Variants in ZNF407 observed in about 807,000 individuals in gnomAD.
ZNF407 encodes the protein zinc finger protein 407.
In ZNF407, 17 loss-of-function variants were observed where a neutral mutation model predicts 131.2. The observed-to-expected ratio is 0.13, with a 90% CI of 0.09 to 0.19. The LOEUF (loss-of-function observed/expected upper bound fraction) is 0.19, where lower values mean the gene tolerates loss of function less well. Ranked by LOEUF, ZNF407 falls within the 10% of genes least tolerant of loss-of-function variation. The pLI is 1.00. For synonymous variants in ZNF407, 1,156 were observed against 1,062.0 expected, an observed-to-expected ratio of 1.09 and a Z score of -1.72; for missense variants, 2,681 against 2,830.6, an observed-to-expected ratio of 0.95 and a Z score of 1.20.
intron 4 of ZNF407, among the ~76,000 whole-genome samples, chr18:74,832,981 A>G (rs774840359): frequency 2.0e-5 from 3 of 152,204 alleles, no homozygotes; most frequent in Non-Finnish European, 2.9e-5. Flanking sequence ...GAAGAAGAGG[A>G]TTACTGCTTC....
At chr18:74,778,548 AC>A (rs1969523351) in intron 3 of ZNF407, among the ~76,000 whole-genome samples, 2 of 151,442 alleles carry the variant, frequency 1.3e-5, no homozygotes, top group African/African-American at 4.9e-5. Context: ...GAGGGCAGGG[AC>A]TTTTATTTGT....
At chr18:74,603,235 A>G (rs1283275209) in intron 1 of ZNF407, among the ~76,000 whole-genome samples, 2 of 152,166 alleles carry the variant, frequency 1.3e-5, no homozygotes, top group Non-Finnish European at 2.9e-5. Flanking sequence ...GATGATAAGG[A>G]ATCTTGCTTT....
At chr18:74,775,672 G>T (rs532678064) in intron 3 of ZNF407, among the ~76,000 whole-genome samples, 101 of 152,228 alleles carry the variant, frequency 6.6e-4, no homozygotes, top group Non-Finnish European at 1.2e-3. Flanking sequence ...GGCTGTTCTC[G>T]CATGGCTATA....
At chr18:74,659,024 T>C (rs147503490) in intron 3 of ZNF407, among the ~76,000 whole-genome samples, 2 of 152,242 alleles carry the variant, frequency 1.3e-5, no homozygotes, top group African/African-American at 4.8e-5. Context: ...GACATGTGAG[T>C]GGACATTGGT....
intron 3 of ZNF407, among the ~76,000 whole-genome samples, chr18:74,763,668 C>G (rs893143253): frequency 1.4e-5 from 2 of 143,400 alleles, no homozygotes; most frequent in South Asian, 4.6e-4. Flanking sequence ...TTTTTCCTTG[C>G]TTTGTATCTG....
At chr18:74,927,777 AT>A (rs1174440726) in intron 8 of ZNF407, among the ~76,000 whole-genome samples, 1 of 152,170 alleles carries the variant, frequency 6.6e-6, no homozygotes, top group African/African-American at 2.4e-5. Context: ...TTTTGCATGT[AT>A]TTCAAGTTGC....
At chr18:74,872,676 G>T (rs1375768963) in intron 4 of ZNF407, among the ~76,000 whole-genome samples, 1 of 149,988 alleles carries the variant, frequency 6.7e-6, no homozygotes, top group African/African-American at 2.5e-5. Context: ...GGAATCGCTT[G>T]AACTGGGAGG....
chr18:74,728,978 T>C (rs1002352121), intron 3 of ZNF407, among the ~76,000 whole-genome samples: 4 of 152,330 alleles, frequency 2.6e-5, no homozygotes, highest in Non-Finnish European at 5.9e-5. Flanking sequence ...CAGCAGCTGC[T>C]GTGACTTTTT....
chr18:74,684,400 T>C (rs751992784), intron 3 of ZNF407, among the ~76,000 whole-genome samples: 1 of 152,192 alleles, frequency 6.6e-6, no homozygotes, highest in Non-Finnish European at 1.5e-5. Flanking sequence ...ATGAATCCTA[T>C]TGACTAATTC....
In ZNF407 at chr18:74,773,506, A is replaced by G. The variant is rs12957524; in HGVS notation, c.4803-7922A>G. On this transcript the variant is annotated intron_variant, in intron 3 of 8. Coordinates refer to ENST00000299687, the MANE Select transcript of ZNF407 (RefSeq NM_017757.3). ...AATAGTATGAAAGAGGAAGTGATCA[A>G]AAGTGGTTTGGAACTATCAGTGGAA... Among the ~76,000 whole-genome samples, 103 of 115,150 alleles carry G rather than the reference A, an allele frequency of 8.9e-4. 5 individuals carry two copies. The highest frequency in any genetic ancestry group is 3.6e-3 in the African/African-American group (67 of 18,466). 75.5% of individuals were successfully genotyped at this position (115,150 alleles called of 152,430 possible). A position where few individuals can be genotyped will look rare whatever the true frequency, so the allele number is the denominator to read the frequency against.
intron 8 of ZNF407, among the ~76,000 whole-genome samples, chr18:75,020,315 CATGT>C (rs1485271956): frequency 1.1e-3 from 49 of 43,398 alleles, no homozygotes; most frequent in African/African-American, 3.3e-3. Context: ...TGTGTATGTG[CATGT>C]GTGTGTGTGT....
chr18:74,730,412 A>G (rs1353100444), intron 3 of ZNF407, among the ~76,000 whole-genome samples: 1 of 152,194 alleles, frequency 6.6e-6, no homozygotes, highest in African/African-American at 2.4e-5. Flanking sequence ...TCCTGTTGAT[A>G]CTTGGATGTT....
chr18:74,637,998 T>TA (rs1407613782), intron 2 of ZNF407, among the ~76,000 whole-genome samples: 2 of 152,222 alleles, frequency 1.3e-5, no homozygotes, highest in Non-Finnish European at 2.9e-5. Flanking sequence ...TTAGCAGGAC[T>TA]AAAAAACTTC....
At position 74,634,085 on chromosome 18, in the gene ZNF407, T is replaced by G. The variant is rs1295683931; in HGVS notation, c.3066T>G (p.Cys1022Trp). 1.2e-6 allele frequency: 2 copies of G among 1,614,100 alleles called. No homozygotes were observed. Among genetic ancestry groups the G allele is most frequent in the South Asian group, 2.2e-5 (2 of 91,088 alleles). ...TGTGENKCLH[C>W]EFSAHSSASL... ...CAGGTGAGAATAAGTGTTTGCACTG[T>G]GAGTTTAGTGCTCACTCCTCTGCTT... The change falls in exon 2 of 9, where the codon TGT becomes TGG. Residue 1022 changes from cysteine (C) to tryptophan (W), a missense_variant. Physicochemically the swap from Cys to Trp is radical, Grantham distance 215. Around this residue, in one of 6 missense-constraint regions of ZNF407, gnomAD observed 1,789 missense variants for 1,748.7 expected, o/e 1.02. Transcript: ENST00000299687.
chr18:74,694,293 G>T lies in ZNF407; in HGVS notation c.4802+53171G>T, dbSNP rs536921457. 3.3e-5 allele frequency among the ~76,000 whole-genome samples: 5 copies of T among 152,258 alleles called. No homozygotes were observed. In the South Asian group the frequency reaches 1.0e-3, roughly 32 times the overall value. ...TTAAGCTCAATGTTAAGGTGTGACC[G>T]TTTCGTGTCTCTTCCGAAGTACTTC... On this transcript the variant is annotated intron_variant, in intron 3 of 8. Transcript: ENST00000299687.
chr18:74,711,036 A>G (rs570872114), intron 3 of ZNF407, among the ~76,000 whole-genome samples: 5 of 149,796 alleles, frequency 3.3e-5, no homozygotes, highest in Non-Finnish European at 7.5e-5. Context: ...CATGGATGCT[A>G]TTATCAATTC....
chr18:74,791,064 C>A (rs1458929287), intron 4 of ZNF407, among the ~76,000 whole-genome samples: 2 of 152,154 alleles, frequency 1.3e-5, no homozygotes, highest in East Asian at 3.9e-4. Flanking sequence ...GTGGTGTTTT[C>A]TTACACTTAG....
At chr18:75,057,582 C>CCGAGGA (rs1383011421) in intron 8 of ZNF407, among the ~76,000 whole-genome samples, 1 of 152,168 alleles carries the variant, frequency 6.6e-6, no homozygotes, top group Admixed American at 6.5e-5. Flanking sequence ...ACGTGTGCGG[C>CCGAGGA]CGAGGAGCCC....
chr18:74,810,268 A>G (rs542333001), intron 4 of ZNF407, among the ~76,000 whole-genome samples: 8 of 152,200 alleles, frequency 5.3e-5, no homozygotes, highest in African/African-American at 1.4e-4. Flanking sequence ...GGAGAAGGCA[A>G]GTTGTTAAGG....
Sources: gnomAD v4.1 joint callset for allele counts (sites outside exome capture counted in the v4.1 genomes callset) on GRCh38, gnomAD v4.1.1 for gene constraint, gnomAD v4.1.1 regional missense constraint, MANE v1.5 for transcripts, NCBI Gene and HGNC (gene_info 2026-07-23, HGNC 2026-07-21) for gene names.